The following PIK3C3 variants were observed in gnomAD, a reference collection of about 807,000 sequenced individuals.
The protein encoded by PIK3C3 is PI3-kinase type 3.
Under a neutral mutation model 126.1 loss-of-function variants are expected in PIK3C3, and 95 were observed. The ratio of observed to expected loss-of-function variants is 0.75; its 90% CI spans 0.64 to 0.89. The LOEUF (loss-of-function observed/expected upper bound fraction) is 0.89, where lower values mean the gene tolerates loss of function less well. Ranked by LOEUF, PIK3C3 falls within the 40% of genes least tolerant of loss-of-function variation. The pLI is 0.00. For missense variants in PIK3C3, 829 were observed against 1,063.2 expected (o/e 0.78, Z 3.06); for synonymous variants, 374 against 360.0 (o/e 1.04, Z -0.44).
intron 6 of PIK3C3, among the ~76,000 whole-genome samples, chr18:41,990,774 A>G (rs546004632): frequency 1.3e-5 from 2 of 152,338 alleles, no homozygotes; most frequent in East Asian, 1.9e-4. Context: ...ACAGAATTCA[A>G]TAAGTATGCA....
At chr18:42,062,010 A>G (rs1193764613) in intron 22 of PIK3C3, among the ~76,000 whole-genome samples, 1 of 151,992 alleles carries the variant, frequency 6.6e-6, no homozygotes, top group Non-Finnish European at 1.5e-5. Flanking sequence ...CTCATATTTA[A>G]TTGGTCTGAG....
chr18:42,043,015 A>G (rs1276230769), intron 19 of PIK3C3, among the ~76,000 whole-genome samples: 1 of 152,032 alleles, frequency 6.6e-6, no homozygotes, highest in Non-Finnish European at 1.5e-5. Flanking sequence ...GTATTGATTT[A>G]TAGGAGTTTT....
intron 4 of PIK3C3, among the ~76,000 whole-genome samples, chr18:41,981,806 A>G (rs1256807073): frequency 4.9e-5 from 4 of 82,150 alleles, no homozygotes; most frequent in Non-Finnish European, 1.1e-4. Flanking sequence ...CTAAAAATAC[A>G]AAAAAAAAAA....
intron 10 of PIK3C3, among the ~76,000 whole-genome samples, chr18:42,005,161 G>A (rs80163566): frequency 0.012 from 1,810 of 152,228 alleles, 15 homozygotes; most frequent in Middle Eastern, 0.051. Context: ...GTCCTTAGGG[G>A]ATTTCATCTT....
intron 21 of PIK3C3, among the ~76,000 whole-genome samples, chr18:42,055,238 T>C (rs1197481359): frequency 1.3e-5 from 2 of 152,164 alleles, no homozygotes; most frequent in Non-Finnish European, 2.9e-5. Context: ...CTCATGCTAC[T>C]ATGTGATCTC....
intron 17 of PIK3C3, 38 bp downstream of exon 17, chr18:42,037,858 C>A: frequency 6.4e-7 from 1 of 1,570,954 alleles, no homozygotes; most frequent in South Asian, 1.1e-5. Flanking sequence ...ACATTTTTTT[C>A]GTTTTGGAAT....
intron 3 of PIK3C3, among the ~76,000 whole-genome samples, chr18:41,964,255 C>T (rs1980243262): frequency 1.3e-5 from 2 of 152,076 alleles, no homozygotes. Flanking sequence ...AAAATAGCAT[C>T]CTTATATACT....
chr18:42,061,851 A>G (rs1020019787), intron 22 of PIK3C3, among the ~76,000 whole-genome samples: 4 of 152,322 alleles, frequency 2.6e-5, no homozygotes, highest in East Asian at 3.9e-4. Flanking sequence ...GTAATCCAGA[A>G]AGCATTAGTA....
intron 23 of PIK3C3, among the ~76,000 whole-genome samples, chr18:42,065,740 G>A (rs969363426): frequency 6.6e-6 from 1 of 151,922 alleles, no homozygotes; most frequent in African/African-American, 2.4e-5. Flanking sequence ...TTAAAGTTGT[G>A]GTTAATTTAC....
intron 22 of PIK3C3, among the ~76,000 whole-genome samples, chr18:42,059,239 C>T (rs1433843761): frequency 6.6e-6 from 1 of 152,154 alleles, no homozygotes; most frequent in Non-Finnish European, 1.5e-5. Context: ...AAACCTGTAA[C>T]AGGCATTTTA....
chr18:42,029,068 G>A (rs527749198), intron 14 of PIK3C3, among the ~76,000 whole-genome samples: 3 of 152,276 alleles, frequency 2.0e-5, no homozygotes, highest in South Asian at 4.1e-4. Context: ...CATGGTTTAT[G>A]TGGGAAAAAA....
chr18:42,011,656 C>G (rs1224523888), intron 10 of PIK3C3, among the ~76,000 whole-genome samples: 2 of 152,154 alleles, frequency 1.3e-5, no homozygotes, highest in Non-Finnish European at 2.9e-5. Context: ...TAATATCCTT[C>G]AAGAACTTTT....
intron 5 of PIK3C3, 108 bp from the exon 6 acceptor site, chr18:41,990,351 G>C: frequency 1.5e-6 from 1 of 680,078 alleles, no homozygotes; most frequent in South Asian, 1.6e-5. Context: ...GTTTTGACTT[G>C]TATTTGATAG....
intron 10 of PIK3C3, among the ~76,000 whole-genome samples, chr18:42,010,350 T>G (rs549747120): frequency 1.3e-5 from 2 of 152,150 alleles, no homozygotes; most frequent in African/African-American, 4.8e-5. Flanking sequence ...CTTCTGCATT[T>G]ACTTCCTCCA....
chr18:42,000,170 C>T (rs775502954), intron 9 of PIK3C3, among the ~76,000 whole-genome samples: 1 of 152,190 alleles, frequency 6.6e-6, no homozygotes, highest in Non-Finnish European at 1.5e-5. Flanking sequence ...TCTCCTGTCT[C>T]AGCCTCCCAA....
chr18:42,003,249 A>G (rs1982377223), intron 9 of PIK3C3, among the ~76,000 whole-genome samples: 1 of 152,168 alleles, frequency 6.6e-6, no homozygotes, highest in South Asian at 2.1e-4. Context: ...GGAATTGATT[A>G]GTTTACTAAT....
chr18:42,075,904 A>C (rs1017195917), intron 24 of PIK3C3, among the ~76,000 whole-genome samples: 1 of 149,566 alleles, frequency 6.7e-6, no homozygotes, highest in Admixed American at 6.7e-5. Flanking sequence ...TCTGCACTGA[A>C]AATCTGTTCT....
Position 42,054,125 on chromosome 18 carries a change from G to GGT in PIK3C3, c.2264-3757_2264-3756dup, listed in dbSNP as rs1396346391. On this transcript the variant is annotated intron_variant, in intron 21 of 24. Coordinates refer to ENST00000262039, the MANE Select transcript of PIK3C3 (RefSeq NM_002647.4). Reference sequence around the variant, plus strand: ...GGTTCTCTAGAGGGACAGAACTAATGGTATATATATATATATATATATATA... The same window carrying GGT: ...GGTTCTCTAGAGGGACAGAACTAATGGTGTATATATATATATATATATATATA... 2.0e-3 allele frequency among the ~76,000 whole-genome samples: 86 copies of GGT among 42,974 alleles called. 4 individuals are homozygous for GGT. Among genetic ancestry groups the GGT allele is most frequent in the East Asian group, 0.013 (11 of 878 alleles). The allele number at this position is 42,974 out of a possible 152,430, so 28.2% of individuals were successfully genotyped here.
intron 21 of PIK3C3, among the ~76,000 whole-genome samples, chr18:42,054,179 TATATATATATATAA>T (rs1984952235): frequency 1.3e-5 from 1 of 78,398 alleles, no homozygotes; most frequent in African/African-American, 6.5e-5. Context: ...TATATATATA[TATATATATATATAA>T]AGGGGAATTT....
Sources: gnomAD v4.1 joint callset for allele counts (sites outside exome capture counted in the v4.1 genomes callset) on GRCh38, gnomAD v4.1.1 for gene constraint, MANE v1.5 for transcripts, NCBI Gene and HGNC (gene_info 2026-07-23, HGNC 2026-07-21) for gene names.